The following RALGPS2 variants were observed in gnomAD, a reference collection of about 807,000 sequenced individuals.
RALGPS2 encodes Ral GEF with PH domain and SH3 binding motif 2, also known as ras-specific guanine nucleotide-releasing factor RalGPS2.
Under a neutral mutation model 86.8 loss-of-function variants are expected in RALGPS2, and 43 were observed. That is an observed-to-expected ratio of 0.50 (90% CI 0.39 to 0.64). RALGPS2 has a LOEUF of 0.64. RALGPS2 is among the 30% of genes least tolerant of loss of function. RALGPS2 has a pLI of 0.00. For synonymous variants in RALGPS2, 243 were observed against 231.3 expected (o/e 1.05, Z -0.46); for missense variants, 536 against 694.6 (o/e 0.77, Z 2.57).
intron 7 of RALGPS2, among the ~76,000 whole-genome samples, chr1:178,827,454 G>C (rs113943773): frequency 6.8e-6 from 1 of 148,012 alleles, no homozygotes; most frequent in Non-Finnish European, 1.5e-5. Flanking sequence ...GAGTGCAGTG[G>C]CGGGATCTCG....
At chr1:178,753,957 G>A (rs536704102) in intron 1 of RALGPS2, among the ~76,000 whole-genome samples, 3 of 151,746 alleles carry the variant, frequency 2.0e-5, no homozygotes, top group East Asian at 1.9e-4. Flanking sequence ...TCAGCCTCCC[G>A]AGTAGTTGGG....
At chr1:178,780,713 G>C (rs1246265370) in intron 2 of RALGPS2, among the ~76,000 whole-genome samples, 1 of 151,990 alleles carries the variant, frequency 6.6e-6, no homozygotes, top group Non-Finnish European at 1.5e-5. Context: ...AATGTTTCTA[G>C]CTGGAATTTT....
intron 8 of RALGPS2, among the ~76,000 whole-genome samples, chr1:178,838,585 A>G (rs1174081097): frequency 6.6e-6 from 1 of 152,218 alleles, no homozygotes; most frequent in Non-Finnish European, 1.5e-5. Context: ...CAGAACAGAA[A>G]AGCTGAAAAT....
intron 4 of RALGPS2, among the ~76,000 whole-genome samples, chr1:178,795,476 G>A (rs1177444768): frequency 3.9e-5 from 6 of 151,922 alleles, no homozygotes; most frequent in African/African-American, 7.2e-5. Context: ...GCAGTGGTGC[G>A]ATCTTGTCTC....
chr1:178,798,484 G>T (rs936290882), intron 4 of RALGPS2, among the ~76,000 whole-genome samples: 6 of 152,090 alleles, frequency 3.9e-5, no homozygotes, highest in Admixed American at 3.3e-4. Context: ...TACCATTAGT[G>T]GTGGTGGAAG....
intron 10 of RALGPS2, chr1:178,879,906 T>C (rs913370938): frequency 3.5e-4 from 53 of 152,206 alleles, no homozygotes; most frequent in African/African-American, 1.2e-3. Context: ...TTTTAAATTA[T>C]TAACCCTTTC....
chr1:178,879,140 A>C, intron 10 of RALGPS2, 148 bp downstream of exon 10: 1 of 1,116,206 alleles, frequency 9.0e-7, no homozygotes, highest in Non-Finnish European at 1.2e-6. Context: ...AACATGTATT[A>C]CTTCTTAATC....
chr1:178,832,063 A>G (rs1656047557), intron 7 of RALGPS2, among the ~76,000 whole-genome samples: 1 of 152,206 alleles, frequency 6.6e-6, no homozygotes, highest in Admixed American at 6.5e-5. Context: ...CCTATGTCAC[A>G]TAACTATATT....
chr1:178,861,024 A>G (rs1657970998), intron 8 of RALGPS2, among the ~76,000 whole-genome samples: 1 of 152,194 alleles, frequency 6.6e-6, no homozygotes, highest in Non-Finnish European at 1.5e-5. Flanking sequence ...GAATATTAGA[A>G]TTTGAAAAGG....
At chr1:178,883,614 A>G in intron 11 of RALGPS2, 81 bp downstream of exon 11, 1 of 1,078,064 alleles carries the variant, frequency 9.3e-7, no homozygotes, top group Non-Finnish European at 1.4e-6. Flanking sequence ...GTAAATAAAA[A>G]CTTAGTACAT....
chr1:178,745,969 G>A (rs1651304009), intron 1 of RALGPS2, among the ~76,000 whole-genome samples: 1 of 151,488 alleles, frequency 6.6e-6, no homozygotes, highest in African/African-American at 2.4e-5. Context: ...CTACAGGCAT[G>A]TGCCACCATA....
At chr1:178,737,446 C>A (rs1194021392) in intron 1 of RALGPS2, among the ~76,000 whole-genome samples, 1 of 152,008 alleles carries the variant, frequency 6.6e-6, no homozygotes, top group Non-Finnish European at 1.5e-5. Context: ...CGGGGTTTCA[C>A]CATCTTGGCC....
rs1013294830 is a variant in RALGPS2, at chr1:178,864,882, A to C, written c.608-12616A>C. ...ATCGCAAAATGAATAAGCATTTATT[A>C]TGAGCATTGTTTCATAAGGCATAAA... On this transcript the variant is annotated intron_variant, in intron 8 of 19. Transcript: ENST00000367635. 40 of 1,040,064 alleles carry C rather than the reference A, an allele frequency of 3.8e-5. No individual in the cohort carries two copies. The African/African-American group carries it at 6.3e-4, about 16-fold the overall frequency. The allele number at this position is 1,040,064 out of a possible 1,614,324, so 64.4% of individuals were successfully genotyped here.
intron 8 of RALGPS2, chr1:178,865,394 G>A (rs757333499): frequency 2.5e-6 from 4 of 1,613,976 alleles, no homozygotes; most frequent in South Asian, 2.2e-5. Flanking sequence ...AGTAACACGA[G>A]AGTTCATGTT....
intron 7 of RALGPS2, among the ~76,000 whole-genome samples, chr1:178,827,759 A>G (rs979346516): frequency 2.6e-5 from 4 of 152,204 alleles, no homozygotes; most frequent in African/African-American, 9.7e-5. Flanking sequence ...GTTAGCATAA[A>G]ATAGACATGT....
intron 1 of RALGPS2, among the ~76,000 whole-genome samples, chr1:178,770,747 A>C (rs1572310933): frequency 6.7e-6 from 1 of 150,024 alleles, no homozygotes; most frequent in South Asian, 2.1e-4. Context: ...AAAGTGTTGG[A>C]ATTACAGGCG....
Position 178,886,221 on chromosome 1 carries a change from G to T in RALGPS2, c.1192+101G>T, listed in dbSNP as rs890043764. The T allele has an allele frequency of 2.1e-5, 27 of 1,285,488 alleles. No homozygotes were observed. The African/African-American group carries it at 3.4e-4, about 16-fold the overall frequency. The allele number at this position is 1,285,488 out of a possible 1,614,324, so 79.6% of individuals were successfully genotyped here. The stretch of plus-strand genomic sequence containing the variant: ...CCCCACCCACACACAGAGAAAATTT[G>T]GTTAAAAAAACAAAGTAGCAGTTAA... On this transcript the variant is annotated intron_variant, in intron 13 of 19. Coordinates refer to ENST00000367635, the MANE Select transcript of RALGPS2 (RefSeq NM_152663.5).
chr1:178,824,579 CG>C (rs1213506248), intron 7 of RALGPS2, among the ~76,000 whole-genome samples: 1 of 152,026 alleles, frequency 6.6e-6, no homozygotes, highest in Non-Finnish European at 1.5e-5. Context: ...GAGGCCAAGT[CG>C]GGCGGATCAC....
intron 8 of RALGPS2, among the ~76,000 whole-genome samples, chr1:178,860,463 G>A (rs1430234285): frequency 1.3e-5 from 2 of 151,998 alleles, no homozygotes; most frequent in Non-Finnish European, 2.9e-5. Context: ...CATAATTACT[G>A]TCTTCACCAT....
Sources: gnomAD v4.1 joint callset for allele counts (sites outside exome capture counted in the v4.1 genomes callset) on GRCh38, gnomAD v4.1.1 for gene constraint, MANE v1.5 for transcripts, NCBI Gene and HGNC (gene_info 2026-07-23, HGNC 2026-07-21) for gene names.